SLC2A3: variants seen among roughly 807,000 people sequenced by gnomAD.
The protein encoded by SLC2A3 is solute carrier family 2, facilitated glucose transporter member 3.
A neutral mutation model predicts 46.4 loss-of-function variants in SLC2A3; 21 were observed. That is an observed-to-expected ratio of 0.45 (90% CI 0.32 to 0.65). SLC2A3 has a LOEUF of 0.65. Ranked by LOEUF, SLC2A3 falls within the 30% of genes least tolerant of loss-of-function variation. SLC2A3 has a pLI of 0.04. For missense variants in SLC2A3, 499 were observed against 623.3 expected (o/e 0.80, Z 2.12); for synonymous variants, 213 against 239.4 (o/e 0.89, Z 1.02).
At chr12:7,925,623 G>A in intron 7 of SLC2A3, 1 of 385,092 alleles carries the variant, frequency 2.6e-6, no homozygotes, top group Non-Finnish European at 4.7e-6. Flanking sequence ...CAAGTTCAAA[G>A]CATACTATAT....
At chr12:7,925,811 C>G in intron 7 of SLC2A3, 33 bp downstream of exon 7, 1 of 1,504,698 alleles carries the variant, frequency 6.6e-7, no homozygotes, top group Non-Finnish European at 9.2e-7. Context: ...GGATTCTTTT[C>G]TCCCCTCAAA....
intron 3 of SLC2A3, 40 bp from the exon 4 acceptor site, chr12:7,931,525 G>A (rs775105631): frequency 6.2e-7 from 1 of 1,612,016 alleles, no homozygotes; most frequent in East Asian, 2.2e-5. Context: ...TTAGCAAAGT[G>A]AGAGGCTCCT....
chr12:7,932,415 T>C (rs1946165806), intron 3 of SLC2A3, among the ~76,000 whole-genome samples: 1 of 152,132 alleles, frequency 6.6e-6, no homozygotes, highest in African/African-American at 2.4e-5. Context: ...TGACCTCAGC[T>C]GATCCACTTG....
chr12:7,929,797 A>G lies in SLC2A3; in HGVS notation c.748T>C (p.Ser250Pro). ...AGCACGGTGACTTGCTTTTCTTGTG[A>G]CATCCTTGCACTCTCATCTTTCATC... is the stretch of plus-strand genomic sequence containing the variant. ...QEMKDESARM[S>P]QEKQVTVLEL... Residue 250 changes from serine to proline, a missense_variant, in exon 6 of 10, where the codon TCA (serine) becomes CCA (proline). By Grantham distance (74) the Ser-to-Pro change is moderately conservative (BLOSUM62 -1). Around this residue, in one of 5 missense-constraint regions of SLC2A3, gnomAD observed 65 missense variants for 88.4 expected, o/e 0.74. Coordinates refer to ENST00000075120, the MANE Select transcript of SLC2A3 (RefSeq NM_006931.3). 2 of 1,613,738 alleles carry G rather than the reference A, an allele frequency of 1.2e-6. No individual in the cohort carries two copies. The highest frequency in any genetic ancestry group is 1.7e-6 in the Non-Finnish European group (2 of 1,179,754).
Position 7,936,103 on chromosome 12 carries a change from C to T in SLC2A3, c.-69G>A, listed in dbSNP as rs1234539712. The T allele has an allele frequency of 3.0e-6, 4 of 1,320,706 alleles. No individual in the cohort carries two copies. Among genetic ancestry groups the T allele is most frequent in the Admixed American group, 1.7e-5 (1 of 59,502 alleles). 81.8% of individuals were successfully genotyped at this position (1,320,706 alleles called of 1,614,324 possible). A position where few individuals can be genotyped will look rare whatever the true frequency, so the allele number is the denominator to read the frequency against. ...TTCCAGAAACAGCTTTTTCAGCCAA[C>T]AAAACCTTCAAAATGTCCTTCTCAG... On this transcript the variant is annotated 5_prime_UTR_variant, in exon 1 of 10. Coordinates refer to ENST00000075120, the MANE Select transcript of SLC2A3 (RefSeq NM_006931.3).
Position 7,930,622 on chromosome 12 carries a change from G to A in SLC2A3, c.531C>T (p.Ile177=), listed in dbSNP as rs140449973. The part of the protein sequence containing the change: ...LVAQIFGLEF[I]LGSEELWPLL... ...GCGGCCATAGCTCTTCAGACCCAAG[G>A]ATGAATTCCAGACCAAAGATCTAGA... The change falls in exon 5 of 10, where the codon ATC becomes ATT. Residue 177 remains isoleucine, a synonymous_variant. Transcript: ENST00000075120. 6.2e-7 allele frequency: 1 copy of A among 1,613,196 alleles called. No individual in the cohort carries two copies. Among genetic ancestry groups the A allele is most frequent in the African/African-American group, 1.3e-5 (1 of 74,816 alleles).
At chr12:7,930,932 G>T (rs1946147014) in intron 4 of SLC2A3, among the ~76,000 whole-genome samples, 1 of 151,488 alleles carries the variant, frequency 6.6e-6, no homozygotes, top group African/African-American at 2.4e-5. Context: ...GAGTAGCTGG[G>T]ACTACAGGTG....
chr12:7,933,469 C>T (rs7311707), intron 2 of SLC2A3: 12,023 of 462,634 alleles, frequency 0.026, 623 homozygotes, highest in African/African-American at 0.12. Flanking sequence ...GGAGGAAGAA[C>T]AGCACCGCCC....
intron 9 of SLC2A3, among the ~76,000 whole-genome samples, chr12:7,922,281 TC>T (rs1474489251): frequency 6.6e-6 from 1 of 152,086 alleles, no homozygotes; most frequent in Non-Finnish European, 1.5e-5. Context: ...GTCAGGTTGG[TC>T]CCCAACTCCT....
chr12:7,922,789 G>C (rs1179777208), intron 9 of SLC2A3, 32 bp downstream of exon 9: 1 of 1,613,314 alleles, frequency 6.2e-7, no homozygotes, highest in Non-Finnish European at 8.5e-7. Context: ...AGCTTACATA[G>C]GCTGGTTTTA....
intron 1 of SLC2A3, among the ~76,000 whole-genome samples, chr12:7,935,421 C>T (rs960839894): frequency 2.0e-5 from 3 of 152,112 alleles, no homozygotes; most frequent in Admixed American, 1.3e-4. Context: ...CATTGCACTC[C>T]AGCCTGGGCA....
At chr12:7,930,868 C>T (rs1158457971) in intron 4 of SLC2A3, among the ~76,000 whole-genome samples, 2 of 142,068 alleles carry the variant, frequency 1.4e-5, no homozygotes, top group Non-Finnish European at 3.0e-5. Flanking sequence ...ACAATCTCGG[C>T]TCACTGCAAA....
In SLC2A3 at chr12:7,930,076, C is replaced by G. The variant is rs185672946; in HGVS notation, c.674-205G>C. On this transcript the variant is annotated intron_variant, in intron 5 of 9. Transcript: ENST00000075120. Reference sequence around the variant, plus strand: ...TCTCAGCTCCCTGCAACCTCCACTTCCCGGGTTCACACGATTCTCCTGCCT... The same window carrying G: ...TCTCAGCTCCCTGCAACCTCCACTTGCCGGGTTCACACGATTCTCCTGCCT... 1,550 of 1,103,988 alleles carry G rather than the reference C, an allele frequency of 1.4e-3. 4 individuals carry two copies. Among genetic ancestry groups the G allele is most frequent in the Middle Eastern group, 2.2e-3 (7 of 3,252 alleles). 68.4% of individuals were successfully genotyped at this position (1,103,988 alleles called of 1,614,324 possible). A position where few individuals can be genotyped will look rare whatever the true frequency, so the allele number is the denominator to read the frequency against.
intron 9 of SLC2A3, 40 bp downstream of exon 9, chr12:7,922,781 C>T: frequency 6.2e-7 from 1 of 1,612,796 alleles, no homozygotes; most frequent in Non-Finnish European, 8.5e-7. Context: ...TTCATGTCAG[C>T]TTACATAGGC....
At chr12:7,929,333 CCGCCCTCTT>C (rs1946127786) in intron 6 of SLC2A3, among the ~76,000 whole-genome samples, 1 of 152,098 alleles carries the variant, frequency 6.6e-6, no homozygotes, top group Non-Finnish European at 1.5e-5. Flanking sequence ...TTCCGTTGTG[CCGCCCTCTT>C]TAAACTATCA....
intron 7 of SLC2A3, 172 bp downstream of exon 7, chr12:7,925,672 A>G (rs1946088085): frequency 5.1e-6 from 3 of 586,436 alleles, no homozygotes; most frequent in South Asian, 2.0e-5. Flanking sequence ...TCCATCCCAT[A>G]TTTGCTTGAA....
intron 6 of SLC2A3, among the ~76,000 whole-genome samples, chr12:7,926,547 G>C (rs1462455028): frequency 1.3e-5 from 2 of 151,948 alleles, no homozygotes; most frequent in Non-Finnish European, 2.9e-5. Context: ...TTTTTTATAA[G>C]TTGAGACAGC....
rs755924818 is a variant in SLC2A3 at position 7,921,590 on chromosome 12, G to C, written c.1314C>G (p.Phe438Leu). 1.2e-6 allele frequency: 2 copies of C among 1,613,912 alleles called. No homozygotes were observed. The highest frequency in any genetic ancestry group is 1.7e-6 in the Non-Finnish European group (2 of 1,179,846). The change falls in exon 10 of 10, where the codon TTC becomes TTG. Residue 438 changes from phenylalanine (F) to leucine (L), a missense_variant. Physicochemically the swap from Phe to Leu is conservative, Grantham distance 22. This residue lies in a region of SLC2A3 where 179 missense variants were observed against 205.1 expected (regional missense o/e 0.87). Transcript: ENST00000075120. ...AGGTAAAAGCCAAGAAGGTAATGAG[G>C]AAGCCGGTGAAGATAATAAAAACGT... is the stretch of plus-strand genomic sequence containing the variant. ...GAYVFIIFTG[F>L]LITFLAFTFF...
At chr12:7,929,657 C>A (rs768296089) in intron 6 of SLC2A3, 27 bp downstream of exon 6, 5 of 1,611,400 alleles carry the variant, frequency 3.1e-6, no homozygotes, top group Non-Finnish European at 3.4e-6. Context: ...CTTTAAGACA[C>A]GTTTGACCCT....
Sources: gnomAD v4.1 joint callset for allele counts (sites outside exome capture counted in the v4.1 genomes callset) on GRCh38, gnomAD v4.1.1 for gene constraint, gnomAD v4.1.1 regional missense constraint, MANE v1.5 for transcripts, NCBI Gene and HGNC (gene_info 2026-07-23, HGNC 2026-07-21) for gene names.